Variants in CDC42BPA observed in about 807,000 individuals in gnomAD.
The protein encoded by CDC42BPA is CDC42 binding protein kinase alpha, also known as serine/threonine-protein kinase MRCK alpha.
A neutral mutation model predicts 223.5 loss-of-function variants in CDC42BPA; 80 were observed. That is an observed-to-expected ratio of 0.36 (90% confidence interval 0.30 to 0.43). The LOEUF is 0.43. Among genes scored for constraint, CDC42BPA ranks in the 20% least tolerant of loss-of-function variants. The pLI is 1.00. For missense variants in CDC42BPA, 1,743 were observed against 2,099.9 expected (o/e 0.83, Z 3.32); for synonymous variants, 694 against 718.6 (o/e 0.97, Z 0.55).
chr1:227,058,178 TTAA>T (rs1482616874), intron 21 of CDC42BPA, among the ~76,000 whole-genome samples: 7 of 152,230 alleles, frequency 4.6e-5, no homozygotes, highest in Non-Finnish European at 8.8e-5. Context: ...AACACAATAA[TTAA>T]TGAGATATCA....
At chr1:227,040,983 G>C (rs1447092463) in intron 23 of CDC42BPA, among the ~76,000 whole-genome samples, 3 of 152,192 alleles carry the variant, frequency 2.0e-5, no homozygotes, top group East Asian at 3.9e-4. Context: ...CTTTCATTCT[G>C]TTGTGTGAAC....
chr1:227,233,054 C>T (rs1414543763), intron 2 of CDC42BPA, among the ~76,000 whole-genome samples: 8 of 152,322 alleles, frequency 5.3e-5, no homozygotes, highest in Non-Finnish European at 8.8e-5. Context: ...TGGGACCCTC[C>T]GAGCCAGGTG....
At chr1:226,997,426 G>A (rs1661869296) in intron 35 of CDC42BPA, among the ~76,000 whole-genome samples, 2 of 152,042 alleles carry the variant, frequency 1.3e-5, no homozygotes, top group South Asian at 2.1e-4. Context: ...ATTTTTTGAA[G>A]GGTTTTTCGT....
Position 227,016,133 on chromosome 1 carries a change from T to C in CDC42BPA, c.4804A>G (p.Ile1602Val), listed in dbSNP as rs766273445. The C allele has an allele frequency of 1.1e-5, 18 of 1,606,258 alleles. No individual in the cohort carries two copies. The highest frequency in any genetic ancestry group is 2.2e-5 in the South Asian group (2 of 90,872). The stretch of plus-strand genomic sequence containing the variant: ...CCATCTCCAGGACCCATGTGTGCTA[T>C]GTGATTAAAATTAGTTGGATTAGAA... Reference protein sequence around the residue: ...LISNPTNFNHIAHMGPGDGIQ... With the variant: ...LISNPTNFNHVAHMGPGDGIQ... The change falls in exon 34 of 37, where the codon ATA becomes GTA. Residue 1602 changes from isoleucine (I) to valine (V), a missense_variant. Physicochemically the swap from Ile to Val is conservative, Grantham distance 29. This residue lies in a region of CDC42BPA where 44 missense variants were observed against 81.0 expected (regional missense o/e 0.54). Transcript: ENST00000366766.
chr1:227,032,098 C>T (rs548370718), intron 27 of CDC42BPA, among the ~76,000 whole-genome samples: 1 of 152,160 alleles, frequency 6.6e-6, no homozygotes, highest in Non-Finnish European at 1.5e-5. Context: ...TACTTCACAA[C>T]AATAACTCGC....
intron 34 of CDC42BPA, among the ~76,000 whole-genome samples, chr1:227,013,143 A>G (rs1475670848): frequency 2.0e-5 from 3 of 152,192 alleles, no homozygotes; most frequent in Non-Finnish European, 1.5e-5. Context: ...ATACAAAAGC[A>G]CTTACGTGAT....
intron 16 of CDC42BPA, among the ~76,000 whole-genome samples, chr1:227,090,676 T>C (rs1682905706): frequency 1.3e-5 from 2 of 152,014 alleles, no homozygotes; most frequent in Non-Finnish European, 2.9e-5. Context: ...CTGGGTGTGG[T>C]GGTGTGCGCC....
chr1:227,277,423 A>G (rs1257065689), intron 1 of CDC42BPA, among the ~76,000 whole-genome samples: 1 of 152,210 alleles, frequency 6.6e-6, no homozygotes. Flanking sequence ...GCATAATGTT[A>G]ATACTTAAAA....
intron 22 of CDC42BPA, among the ~76,000 whole-genome samples, chr1:227,048,781 A>C (rs980585693): frequency 4.7e-5 from 7 of 150,490 alleles, no homozygotes; most frequent in Non-Finnish European, 1.0e-4. Context: ...AGACATGGAA[A>C]GTAACTTCCT....
chr1:227,105,359 T>C (rs1165504828), intron 14 of CDC42BPA, among the ~76,000 whole-genome samples: 3 of 40,240 alleles, frequency 7.5e-5, no homozygotes, highest in African/African-American at 2.4e-4. Flanking sequence ...CTATTCTCTT[T>C]TTTTTTTTTT....
intron 21 of CDC42BPA, among the ~76,000 whole-genome samples, chr1:227,062,590 A>C (rs1343897): frequency 0.28 from 42,924 of 151,910 alleles, 6,228 homozygotes; most frequent in African/African-American, 0.34. Flanking sequence ...TTAGCATAAG[A>C]CTTCAAACTT....
At chr1:227,153,100 C>T (rs1662092570) in intron 6 of CDC42BPA, among the ~76,000 whole-genome samples, 1 of 151,772 alleles carries the variant, frequency 6.6e-6, no homozygotes. Context: ...AAAGTTAACA[C>T]ATTTACCATC....
At chr1:227,060,717 CTTTTTTTTTTTTT>C (rs59728048) in intron 21 of CDC42BPA, among the ~76,000 whole-genome samples, 4 of 95,452 alleles carry the variant, frequency 4.2e-5, no homozygotes, top group Non-Finnish European at 3.9e-5. Context: ...TAAATAGGTA[CTTTTTTTTTTTTT>C]TTTTTTTTTT....
chr1:227,249,236 A>G (rs570736923), intron 2 of CDC42BPA, among the ~76,000 whole-genome samples: 4 of 152,218 alleles, frequency 2.6e-5, no homozygotes, highest in African/African-American at 9.6e-5. Flanking sequence ...CATATGCAGA[A>G]GAAGGAAATT....
intron 18 of CDC42BPA, 117 bp from the exon 19 acceptor site, chr1:227,074,129 TC>T: frequency 7.2e-7 from 1 of 1,381,784 alleles, no homozygotes; most frequent in Non-Finnish European, 1.0e-6. Flanking sequence ...CTAATAGTTT[TC>T]TCATAAAAAA....
intron 21 of CDC42BPA, among the ~76,000 whole-genome samples, chr1:227,060,033 T>TTG (rs1553318022): frequency 1.5e-4 from 22 of 142,194 alleles, no homozygotes; most frequent in East Asian, 4.1e-4. Context: ...TTTTTTTGTT[T>TTG]TTTTTTTTTT....
intron 2 of CDC42BPA, among the ~76,000 whole-genome samples, chr1:227,231,126 C>A (rs971773464): frequency 7.8e-6 from 1 of 127,794 alleles, no homozygotes; most frequent in African/African-American, 2.9e-5. Flanking sequence ...CTAATGCTAT[C>A]CCTCCTCCCT....
intron 10 of CDC42BPA, among the ~76,000 whole-genome samples, chr1:227,134,402 G>A (rs746489077): frequency 4.6e-5 from 7 of 152,048 alleles, no homozygotes; most frequent in Non-Finnish European, 8.8e-5. Context: ...AATATCTGGC[G>A]ATCCTAAACT....
chr1:227,098,928 A>AT (rs1235981046), intron 15 of CDC42BPA, among the ~76,000 whole-genome samples: 23 of 150,840 alleles, frequency 1.5e-4, no homozygotes, highest in Non-Finnish European at 3.1e-4. Context: ...ATGGACTGCC[A>AT]TTAGTCCATA....
Sources: allele counts gnomAD v4.1 joint callset (sites outside exome capture counted in the v4.1 genomes callset), GRCh38; gene constraint gnomAD v4.1.1; regional missense constraint gnomAD v4.1.1; transcripts MANE v1.5; gene names NCBI Gene and HGNC (gene_info 2026-07-23, HGNC 2026-07-21).